Variants in PLD1 observed in about 807,000 individuals in gnomAD.
PLD1 encodes choline phosphatase 1.
PLD1 carries 112 observed loss-of-function variants against 137.1 expected under a neutral mutation model. That is an observed-to-expected ratio of 0.82 (90% CI 0.70 to 0.96). The LOEUF (loss-of-function observed/expected upper bound fraction) is 0.96, where lower values mean the gene tolerates loss of function less well. PLD1 is among the 40% of genes least tolerant of loss of function. The pLI is 0.00. For synonymous variants in PLD1, 431 were observed against 454.7 expected (o/e 0.95, Z 0.66); for missense variants, 1,321 against 1,342.0 (o/e 0.98, Z 0.24).
chr3:171,717,996 A>G (rs774582927), intron 8 of PLD1, among the ~76,000 whole-genome samples: 3 of 152,228 alleles, frequency 2.0e-5, no homozygotes, highest in Non-Finnish European at 4.4e-5. Context: ...GGTAGTTTTT[A>G]TCTTTAGTTC....
At chr3:171,725,153 C>T (rs1475974535) in intron 7 of PLD1, among the ~76,000 whole-genome samples, 4 of 152,086 alleles carry the variant, frequency 2.6e-5, no homozygotes, top group Admixed American at 6.5e-5. Flanking sequence ...CAAACCCGCA[C>T]GTTGTGCACA....
At chr3:171,710,869 G>GTTTTTTTTTT (rs1281179100) in intron 9 of PLD1, among the ~76,000 whole-genome samples, 1 of 98,684 alleles carries the variant, frequency 1.0e-5, no homozygotes, top group African/African-American at 5.5e-5. Flanking sequence ...TAGGAAAACT[G>GTTTTTTTTTT]TTCTTTTTTT....
At chr3:171,787,185 C>A (rs1012843644) in intron 1 of PLD1, among the ~76,000 whole-genome samples, 1 of 152,134 alleles carries the variant, frequency 6.6e-6, no homozygotes, top group Non-Finnish European at 1.5e-5. Flanking sequence ...CACCTCTGGG[C>A]CCCTCTGTCT....
chr3:171,782,973 C>G (rs1028739195), intron 1 of PLD1, among the ~76,000 whole-genome samples: 2 of 151,954 alleles, frequency 1.3e-5, no homozygotes, highest in African/African-American at 2.4e-5. Flanking sequence ...GGAGGATGCA[C>G]GTTTGTCCAT....
intron 1 of PLD1, among the ~76,000 whole-genome samples, chr3:171,767,274 G>A (rs1722041398): frequency 6.6e-6 from 1 of 152,120 alleles, no homozygotes; most frequent in Non-Finnish European, 1.5e-5. Flanking sequence ...TCTCATTTAC[G>A]GGCCATGGGC....
At chr3:171,638,857 CA>C (rs1735390264) in intron 23 of PLD1, among the ~76,000 whole-genome samples, 1 of 152,072 alleles carries the variant, frequency 6.6e-6, no homozygotes, top group South Asian at 2.1e-4. Context: ...TTGCCCTCCC[CA>C]ATGTTGCTGG....
chr3:171,744,653 CT>C (rs964849112), intron 1 of PLD1, among the ~76,000 whole-genome samples: 7 of 152,220 alleles, frequency 4.6e-5, no homozygotes, highest in African/African-American at 1.4e-4. Flanking sequence ...CTCACGTTCT[CT>C]TTTTTTCCCC....
At chr3:171,624,810 T>G (rs2108308388) in intron 23 of PLD1, among the ~76,000 whole-genome samples, 1 of 152,166 alleles carries the variant, frequency 6.6e-6, no homozygotes, top group East Asian at 1.9e-4. Context: ...TATTTTTTTG[T>G]GAAAGAGATC....
At chr3:171,744,004 G>C (rs1476461123) in intron 1 of PLD1, among the ~76,000 whole-genome samples, 7 of 152,192 alleles carry the variant, frequency 4.6e-5, no homozygotes, top group Non-Finnish European at 8.8e-5. Flanking sequence ...GACACACTCA[G>C]ATGTAGAAGC....
At chr3:171,616,163 C>A (rs1733094002) in intron 24 of PLD1, among the ~76,000 whole-genome samples, 2 of 152,034 alleles carry the variant, frequency 1.3e-5, no homozygotes, top group African/African-American at 4.8e-5. Flanking sequence ...TTTCTTTGGA[C>A]ATTTGTTTTT....
intron 4 of PLD1, 126 bp downstream of exon 4, chr3:171,735,365 AC>A: frequency 1.3e-6 from 1 of 770,502 alleles, no homozygotes; most frequent in Non-Finnish European, 2.2e-6. Context: ...CAAACTCATG[AC>A]CTCAACTGAT....
chr3:171,765,849 A>T (rs1721947936), intron 1 of PLD1, among the ~76,000 whole-genome samples: 1 of 152,220 alleles, frequency 6.6e-6, no homozygotes, highest in Non-Finnish European at 1.5e-5. Flanking sequence ...ACATATTGAA[A>T]ATCTCTCAAA....
chr3:171,625,685 G>A (rs542782234), intron 23 of PLD1, among the ~76,000 whole-genome samples: 20 of 152,266 alleles, frequency 1.3e-4, no homozygotes, highest in East Asian at 5.8e-4. Flanking sequence ...AGCAGTATTC[G>A]CGGTTCACAA....
intron 1 of PLD1, among the ~76,000 whole-genome samples, chr3:171,748,426 T>G (rs1263977439): frequency 1.3e-5 from 2 of 152,188 alleles, no homozygotes; most frequent in African/African-American, 2.4e-5. Context: ...ATTCATGCAT[T>G]CCTTTCTTTC....
chr3:171,635,381 A>G (rs967629788), intron 23 of PLD1, among the ~76,000 whole-genome samples: 2 of 152,114 alleles, frequency 1.3e-5, no homozygotes, highest in African/African-American at 4.8e-5. Flanking sequence ...TTCATTCCCA[A>G]CAGTAATGTG....
intron 1 of PLD1, among the ~76,000 whole-genome samples, chr3:171,754,709 T>G (rs945089152): frequency 1.5e-4 from 23 of 152,200 alleles, no homozygotes; most frequent in African/African-American, 5.3e-4. Context: ...ACAATAGAGA[T>G]AACACTTCCA....
At chr3:171,668,015 G>A (rs553915689) in intron 19 of PLD1, among the ~76,000 whole-genome samples, 18 of 152,294 alleles carry the variant, frequency 1.2e-4, no homozygotes, top group Admixed American at 1.0e-3. Context: ...GCCTCCCAAA[G>A]TGCTAGGATT....
chr3:171,763,959 A>G (rs1721630523), intron 1 of PLD1, among the ~76,000 whole-genome samples: 2 of 151,654 alleles, frequency 1.3e-5, no homozygotes, highest in South Asian at 4.2e-4. Flanking sequence ...GTAAATGCTG[A>G]ATGGCATTAG....
intron 21 of PLD1, 111 bp from the exon 22 acceptor site, chr3:171,645,134 ACAACACGTT>A: frequency 1.4e-6 from 1 of 724,264 alleles, no homozygotes; most frequent in Non-Finnish European, 2.5e-6. Context: ...ATGGCTTCCT[ACAACACGTT>A]CTGTCACATT....
Sources: allele counts gnomAD v4.1 joint callset (sites outside exome capture counted in the v4.1 genomes callset), GRCh38; gene constraint gnomAD v4.1.1; transcripts MANE v1.5; gene names NCBI Gene and HGNC (gene_info 2026-07-23, HGNC 2026-07-21).